FBRSL1: variants seen among roughly 807,000 people sequenced by gnomAD.
FBRSL1 encodes fibrosin like 1, also known as fibrosin-1-like protein.
In FBRSL1, 51 loss-of-function variants were observed where a neutral mutation model predicts 89.6. That is an observed-to-expected ratio of 0.57 (90% CI 0.45 to 0.72). FBRSL1 has a LOEUF of 0.72. Among genes scored for constraint, FBRSL1 ranks in the 30% least tolerant of loss-of-function variants. FBRSL1 has a pLI of 0.00. For missense variants in FBRSL1, 1,618 were observed against 1,451.8 expected, an observed-to-expected ratio of 1.11 and a Z score of -1.86; for synonymous variants, 779 against 681.1, an observed-to-expected ratio of 1.14 and a Z score of -2.24.
chr12:132,544,492 C>T (rs1052593609), intron 4 of FBRSL1, among the ~76,000 whole-genome samples: 16 of 152,304 alleles, frequency 1.1e-4, no homozygotes, highest in African/African-American at 3.1e-4. Context: ...ACTTCACCTA[C>T]GCCAGGGTAA....
chr12:132,511,498 C>T (rs1339004816), intron 2 of FBRSL1: 2 of 986,062 alleles, frequency 2.0e-6, no homozygotes, highest in Middle Eastern at 5.2e-4. Context: ...AGGCACGCCA[C>T]TCGCCCAAAA....
At chr12:132,518,235 C>G (rs1031625237) in intron 2 of FBRSL1, among the ~76,000 whole-genome samples, 2 of 151,942 alleles carry the variant, frequency 1.3e-5, no homozygotes, top group Non-Finnish European at 2.9e-5. Flanking sequence ...ATCCACCCAT[C>G]TGTCCATCAT....
chr12:132,490,448 C>A lies in FBRSL1; in HGVS notation c.-123C>A. On this transcript the variant is annotated 5_prime_UTR_variant, in exon 1 of 19. Transcript: ENST00000680143. ...GCCCGGCCCGCCGCCCGCCGCCGCC[C>A]AGGGCCCGAGCCCGCGCGGCGCACA... The A allele has an allele frequency of 1.5e-6, 1 of 687,648 alleles. No individual in the cohort carries two copies. Among genetic ancestry groups the A allele is most frequent in the South Asian group, 6.8e-5 (1 of 14,748 alleles). The allele number at this position is 687,648 out of a possible 1,614,324, so 42.6% of individuals were successfully genotyped here.
At chr12:132,525,652 G>A in intron 2 of FBRSL1, 82 bp from the exon 3 acceptor site, 7 of 1,142,962 alleles carry the variant, frequency 6.1e-6, no homozygotes, top group Non-Finnish European at 7.7e-6. Flanking sequence ...CCGGGAGCAG[G>A]CATGTAGCCC....
intron 2 of FBRSL1, among the ~76,000 whole-genome samples, chr12:132,524,032 C>T (rs1398032430): frequency 3.3e-5 from 5 of 152,226 alleles, no homozygotes; most frequent in Non-Finnish European, 5.9e-5. Flanking sequence ...TGGAAGGTGC[C>T]GGCCCCGGGC....
chr12:132,582,529 T>A (rs906280419), intron 18 of FBRSL1, among the ~76,000 whole-genome samples: 2 of 150,872 alleles, frequency 1.3e-5, no homozygotes, highest in Admixed American at 1.3e-4. Flanking sequence ...CCCCGGCGAC[T>A]CCTCCCTGCG....
At chr12:132,567,311 G>T (rs1173466601) in intron 5 of FBRSL1, among the ~76,000 whole-genome samples, 170 bp from the exon 6 acceptor site, 1 of 152,308 alleles carries the variant, frequency 6.6e-6, no homozygotes, top group Non-Finnish European at 1.5e-5. Flanking sequence ...ATACACATGC[G>T]TGGAGCTCAG....
At chr12:132,545,346 C>T (rs2037604035) in intron 4 of FBRSL1, among the ~76,000 whole-genome samples, 1 of 152,232 alleles carries the variant, frequency 6.6e-6, no homozygotes, top group Non-Finnish European at 1.5e-5. Flanking sequence ...TTTCTCCTCG[C>T]CCTGATTAAT....
At chr12:132,503,072 G>T (rs1026127147) in intron 1 of FBRSL1, among the ~76,000 whole-genome samples, 6 of 151,938 alleles carry the variant, frequency 3.9e-5, no homozygotes, top group Admixed American at 3.9e-4. Flanking sequence ...GTGGAGTGCA[G>T]CAGTAACGGC....
At chr12:132,567,060 G>T (rs894152037) in intron 5 of FBRSL1, among the ~76,000 whole-genome samples, 14 of 152,176 alleles carry the variant, frequency 9.2e-5, no homozygotes, top group African/African-American at 2.9e-4. Flanking sequence ...GGTGTGTCCC[G>T]GGGCTCTCCA....
At chr12:132,495,461 G>C (rs2031859306) in intron 1 of FBRSL1, among the ~76,000 whole-genome samples, 1 of 152,226 alleles carries the variant, frequency 6.6e-6, no homozygotes. Context: ...CTCAGATGGT[G>C]GTGGGGGCTG....
intron 1 of FBRSL1, among the ~76,000 whole-genome samples, chr12:132,505,464 G>T (rs2033567031): frequency 6.6e-6 from 1 of 152,168 alleles, no homozygotes; most frequent in Admixed American, 6.5e-5. Context: ...TCCTGTCCCG[G>T]CCCCACCCCC....
intron 14 of FBRSL1, among the ~76,000 whole-genome samples, chr12:132,575,198 T>C (rs1201482294): frequency 6.6e-6 from 1 of 152,182 alleles, no homozygotes; most frequent in Admixed American, 6.5e-5. Context: ...CTAAATGCCC[T>C]TTGGGACGGG....
In FBRSL1 at chr12:132,490,217, C is replaced by A; in HGVS notation, c.-354C>A. ...GCCCGGTGCCCAGGAGCCCGGCCGC[C>A]TCCCGCCTGCCGCCTGCCGCGCCCG... is the stretch of plus-strand genomic sequence containing the variant. On this transcript the variant is annotated 5_prime_UTR_variant, in exon 1 of 19. Coordinates refer to ENST00000680143, the MANE Select transcript of FBRSL1 (RefSeq NM_001367871.1). 7.5e-4 allele frequency: 1 copy of A among 1,334 alleles called. No individual in the cohort carries two copies. Among genetic ancestry groups the A allele is most frequent in the South Asian group, 1.3e-3 (1 of 778 alleles). The allele number at this position is 1,334 out of a possible 1,614,324, so 0.1% of individuals were successfully genotyped here.
intron 6 of FBRSL1, among the ~76,000 whole-genome samples, chr12:132,567,941 A>C (rs1316932602): frequency 6.6e-6 from 1 of 152,178 alleles, no homozygotes; most frequent in Admixed American, 6.5e-5. Context: ...TCTGTGGTGC[A>C]GTGGAGGGGC....
At chr12:132,508,031 C>G in intron 1 of FBRSL1, 122 bp from the exon 2 acceptor site, 1 of 998,254 alleles carries the variant, frequency 1.0e-6, no homozygotes, top group Non-Finnish European at 1.5e-6. Context: ...TCTTCCTTTC[C>G]CTCTGAGGTG....
At chr12:132,547,393 C>G (rs1157740229) in intron 4 of FBRSL1, among the ~76,000 whole-genome samples, 1 of 152,314 alleles carries the variant, frequency 6.6e-6, no homozygotes. Context: ...CCCACCCTAA[C>G]CAGCCAAGCT....
rs929720990 is a variant in FBRSL1 at position 132,570,458 on chromosome 12, G to A, written c.1131G>A (p.Ala377=). Residue 377 remains alanine (A), a synonymous_variant, in exon 8 of 19, where the codon GCG becomes GCA. Coordinates refer to ENST00000680143, the MANE Select transcript of FBRSL1 (RefSeq NM_001367871.1). ...CCCAGGCGCAGCACCAGCTCCACGC[G>A]GCCATGTTTGCCGCACCCCCGACAC... ...LRSQAQHQLH[A]AMFAAPPTLP... 8.3e-5 allele frequency: 127 copies of A among 1,533,514 alleles called. No homozygotes were observed. Among genetic ancestry groups the A allele is most frequent in the Admixed American group, 2.9e-4 (15 of 50,852 alleles). 95.0% of individuals were successfully genotyped at this position (1,533,514 alleles called of 1,614,324 possible).
rs994053211 is a variant in FBRSL1, at chr12:132,582,944, G to A, written c.2202-27G>A. On this transcript the variant is annotated intron_variant, in intron 18 of 18. Coordinates refer to ENST00000680143, the MANE Select transcript of FBRSL1 (RefSeq NM_001367871.1). ...GCGCGGCAGGACGGAGGTCTCGGGA[G>A]TGACGGGTCCGCCCTGCCGCCCCCA... 7 of 1,379,010 alleles carry A rather than the reference G, an allele frequency of 5.1e-6. No individual in the cohort carries two copies. In the African/African-American group the frequency reaches 6.2e-5, roughly 12 times the overall value. The allele number at this position is 1,379,010 out of a possible 1,614,324, so 85.4% of individuals were successfully genotyped here.
Sources: gnomAD v4.1 joint callset for allele counts (sites outside exome capture counted in the v4.1 genomes callset) on GRCh38, gnomAD v4.1.1 for gene constraint, MANE v1.5 for transcripts, NCBI Gene and HGNC (gene_info 2026-07-23, HGNC 2026-07-21) for gene names.